Variants in RNF150 observed in about 807,000 individuals in gnomAD.
The protein encoded by RNF150 is ring finger protein 150.
A neutral mutation model predicts 39.3 loss-of-function variants in RNF150; 24 were observed. The observed-to-expected ratio is 0.61, with a 90% CI of 0.44 to 0.86. The LOEUF is 0.86. RNF150 is among the 40% of genes least tolerant of loss of function. RNF150 has a pLI of 0.00. For synonymous variants in RNF150, 255 were observed against 227.3 expected (o/e 1.12, Z -1.10); for missense variants, 502 against 587.8 (o/e 0.85, Z 1.51).
Position 140,862,548 on chromosome 4 carries a change from T to C in RNF150, c.*5713A>G, listed in dbSNP as rs979240521. ...ATGATAACTTGGTGTCAATAAAAGGTGTAGAGTGGAAGAGTGTGGCTATTG... is the reference window on the plus strand; with the variant it reads ...ATGATAACTTGGTGTCAATAAAAGGCGTAGAGTGGAAGAGTGTGGCTATTG... On this transcript the variant is annotated 3_prime_UTR_variant, in exon 7 of 7. Transcript: ENST00000515673. The C allele has an allele frequency of 6.6e-6, 1 of 152,098 alleles. No individual in the cohort carries two copies. Among genetic ancestry groups the C allele is most frequent in the South Asian group, 2.1e-4 (1 of 4,814 alleles). 9.4% of individuals were successfully genotyped at this position (152,098 alleles called of 1,614,324 possible). A position where few individuals can be genotyped will look rare whatever the true frequency, so the allele number is the denominator to read the frequency against.
intron 1 of RNF150, among the ~76,000 whole-genome samples, chr4:141,051,217 T>A (rs1047489033): frequency 6.6e-6 from 1 of 152,000 alleles, no homozygotes; most frequent in Non-Finnish European, 1.5e-5. Flanking sequence ...GCATGGCCCA[T>A]GAAAACATTT....
In RNF150 at chr4:141,036,521, G is replaced by A. The variant is rs145985678; in HGVS notation, c.485-68648C>T. On this transcript the variant is annotated intron_variant, in intron 1 of 6. Coordinates refer to ENST00000515673, the MANE Select transcript of RNF150 (RefSeq NM_020724.2). ...TGCAAAACTGAAACTGTATACTCAC[G>A]GAACGACTCCACATTCAGAATTTGG... Among the ~76,000 whole-genome samples, 13 of 152,154 alleles carry A rather than the reference G, an allele frequency of 8.5e-5. No individual in the cohort carries two copies. The South Asian group carries it at 1.0e-3, about 12-fold the overall frequency.
intron 1 of RNF150, among the ~76,000 whole-genome samples, chr4:140,971,254 G>T (rs1468949584): frequency 6.6e-6 from 1 of 151,890 alleles, no homozygotes; most frequent in Non-Finnish European, 1.5e-5. Flanking sequence ...CTGTGGGTGG[G>T]TGTGAGGCAG....
chr4:141,068,447 T>C (rs1050754924), intron 1 of RNF150, among the ~76,000 whole-genome samples: 81 of 152,276 alleles, frequency 5.3e-4, no homozygotes, highest in Admixed American at 1.6e-3. Context: ...TACCATGCTG[T>C]TTTGGTTACT....
intron 1 of RNF150, among the ~76,000 whole-genome samples, chr4:141,181,602 T>C (rs528454093): frequency 2.0e-5 from 3 of 152,348 alleles, no homozygotes; most frequent in Admixed American, 2.0e-4. Flanking sequence ...ACTTACTCAA[T>C]GACACTTTCT....
Position 140,866,569 on chromosome 4 carries a change from G to A in RNF150, c.*1692C>T, listed in dbSNP as rs1251794635. Reference sequence around the variant, plus strand: ...AACCATCAAATAGGAAATTGGTAAAGGTGGTGAAAAAGGAGCAGCTAGTAT... The same window carrying A: ...AACCATCAAATAGGAAATTGGTAAAAGTGGTGAAAAAGGAGCAGCTAGTAT... On this transcript the variant is annotated 3_prime_UTR_variant, in exon 7 of 7. Coordinates refer to ENST00000515673, the MANE Select transcript of RNF150 (RefSeq NM_020724.2). 1.3e-5 allele frequency: 2 copies of A among 152,194 alleles called. No individual in the cohort carries two copies. Among genetic ancestry groups the A allele is most frequent in the African/African-American group, 2.4e-5 (1 of 41,434 alleles). The allele number at this position is 152,194 out of a possible 1,614,324, so 9.4% of individuals were successfully genotyped here.
chr4:141,187,328 TTGATTTGGGG>T (rs1332215829), intron 1 of RNF150, among the ~76,000 whole-genome samples: 3 of 152,220 alleles, frequency 2.0e-5, no homozygotes, highest in African/African-American at 7.2e-5. Context: ...GTATATTCTG[TTGATTTGGGG>T]TGGAGAGTTC....
intron 1 of RNF150, among the ~76,000 whole-genome samples, chr4:141,046,362 A>G (rs1483448326): frequency 6.6e-6 from 1 of 152,208 alleles, no homozygotes. Flanking sequence ...ACTGGACTAG[A>G]GTACATCCTT....
chr4:140,978,914 T>C (rs1291037031), intron 1 of RNF150, among the ~76,000 whole-genome samples: 1 of 152,180 alleles, frequency 6.6e-6, no homozygotes, highest in African/African-American at 2.4e-5. Context: ...TTAAAGTCAG[T>C]TTCTATTAGA....
Position 141,118,709 on chromosome 4 carries a change from A to G in RNF150, c.484+13616T>C, listed in dbSNP as rs115738833. 2.4e-3 allele frequency among the ~76,000 whole-genome samples: 369 copies of G among 152,286 alleles called. 2 individuals carry two copies. The highest frequency in any genetic ancestry group is 8.4e-3 in the African/African-American group (350 of 41,562). On this transcript the variant is annotated intron_variant, in intron 1 of 6. Coordinates refer to ENST00000515673, the MANE Select transcript of RNF150 (RefSeq NM_020724.2). ...ATTTCAGTTGCTAAATCAAACCACC[A>G]ATCATGGGCTAAAGTTTGAGATACG...
At chr4:140,955,844 T>C (rs1732729016) in intron 2 of RNF150, among the ~76,000 whole-genome samples, 1 of 152,228 alleles carries the variant, frequency 6.6e-6, no homozygotes, top group Admixed American at 6.5e-5. Flanking sequence ...ATTACTTCTT[T>C]TATTCCAACA....
intron 6 of RNF150, chr4:140,910,921 T>C (rs1730572332): frequency 1.7e-6 from 1 of 597,730 alleles, no homozygotes; most frequent in Non-Finnish European, 3.0e-6. Context: ...CTGGTGTCAG[T>C]GTGTGGGCAG....
intron 6 of RNF150, among the ~76,000 whole-genome samples, chr4:140,893,806 C>A (rs1439033389): frequency 2.6e-5 from 4 of 152,016 alleles, no homozygotes; most frequent in Admixed American, 1.3e-4. Context: ...TAAACATGTA[C>A]ACAATAAACA....
At chr4:140,929,272 T>G (rs554501924) in intron 4 of RNF150, among the ~76,000 whole-genome samples, 2 of 151,552 alleles carry the variant, frequency 1.3e-5, no homozygotes, top group Non-Finnish European at 2.9e-5. Flanking sequence ...GAGTCTCTGA[T>G]CCACAGACAC....
At chr4:141,121,471 G>A (rs1451842490) in intron 1 of RNF150, among the ~76,000 whole-genome samples, 2 of 152,202 alleles carry the variant, frequency 1.3e-5, no homozygotes, top group South Asian at 2.1e-4. Flanking sequence ...AAAACAGCAC[G>A]GTGTCTCTAC....
intron 1 of RNF150, among the ~76,000 whole-genome samples, chr4:141,191,412 A>G (rs559733217): frequency 6.6e-6 from 1 of 152,334 alleles, no homozygotes; most frequent in South Asian, 2.1e-4. Context: ...GTTCTAGCTC[A>G]GCTTTCATCC....
chr4:140,999,341 CT>C (rs1447959578), intron 1 of RNF150, among the ~76,000 whole-genome samples: 1 of 152,224 alleles, frequency 6.6e-6, no homozygotes, highest in Non-Finnish European at 1.5e-5. Flanking sequence ...TATGAATATT[CT>C]TGTTTTTGAC....
intron 5 of RNF150, among the ~76,000 whole-genome samples, chr4:140,924,801 G>A (rs1560970323): frequency 6.6e-6 from 1 of 152,132 alleles, no homozygotes. Context: ...TAGCTCAAAG[G>A]TATAGTCACA....
intron 6 of RNF150, among the ~76,000 whole-genome samples, chr4:140,871,558 A>G (rs1728938387): frequency 6.6e-6 from 1 of 152,186 alleles, no homozygotes; most frequent in Non-Finnish European, 1.5e-5. Flanking sequence ...CAGGAAGCCA[A>G]AATTTTCAGC....
Sources: allele counts gnomAD v4.1 joint callset (sites outside exome capture counted in the v4.1 genomes callset), GRCh38; gene constraint gnomAD v4.1.1; transcripts MANE v1.5; gene names NCBI Gene and HGNC (gene_info 2026-07-23, HGNC 2026-07-21).